The following OLFML2B variants were observed in gnomAD, a reference collection of about 807,000 sequenced individuals.
OLFML2B encodes olfactomedin-like protein 2B.
Under a neutral mutation model 74.9 loss-of-function variants are expected in OLFML2B, and 57 were observed. That is an observed-to-expected ratio of 0.76 (90% confidence interval 0.61 to 0.95). OLFML2B has a LOEUF of 0.95. Ranked by LOEUF, OLFML2B falls within the 40% of genes least tolerant of loss-of-function variation. The pLI is 0.00. For missense variants in OLFML2B, 986 were observed against 970.6 expected, an observed-to-expected ratio of 1.02 and a Z score of -0.21; for synonymous variants, 388 against 405.8, an observed-to-expected ratio of 0.96 and a Z score of 0.53.
chr1:162,020,378 C>T (rs761630125), intron 1 of OLFML2B, among the ~76,000 whole-genome samples, 196 bp from the exon 2 acceptor site: 5 of 152,226 alleles, frequency 3.3e-5, no homozygotes, highest in Non-Finnish European at 7.3e-5. Context: ...CAGAGTTCAG[C>T]TCTCTTCGTT....
At chr1:162,010,043 T>A (rs1571305201) in intron 3 of OLFML2B, among the ~76,000 whole-genome samples, 1 of 151,810 alleles carries the variant, frequency 6.6e-6, no homozygotes, top group Non-Finnish European at 1.5e-5. Flanking sequence ...GCGGCAGAGG[T>A]GGGAATCGTG....
At chr1:162,011,562 C>T (rs558220306) in intron 3 of OLFML2B, among the ~76,000 whole-genome samples, 27 of 152,304 alleles carry the variant, frequency 1.8e-4, no homozygotes, top group Non-Finnish European at 2.6e-4. Flanking sequence ...CTAATCCCTC[C>T]GACCACAGCT....
intron 3 of OLFML2B, among the ~76,000 whole-genome samples, chr1:162,011,533 A>G (rs1046538623): frequency 1.3e-5 from 2 of 152,210 alleles, no homozygotes; most frequent in Non-Finnish European, 2.9e-5. Context: ...TCCTGATGGC[A>G]GGACAGGCAG....
At chr1:162,019,223 A>T (rs912950174) in intron 2 of OLFML2B, among the ~76,000 whole-genome samples, 1 of 152,180 alleles carries the variant, frequency 6.6e-6, no homozygotes. Context: ...TTGTTATCTC[A>T]TTACTCCACC....
intron 6 of OLFML2B, among the ~76,000 whole-genome samples, chr1:161,989,546 T>C (rs1689677607): frequency 6.6e-6 from 1 of 152,202 alleles, no homozygotes. Flanking sequence ...GCTATGGTAT[T>C]CACCGTAAAC....
chr1:162,020,386 G>A (rs947374223), intron 1 of OLFML2B, among the ~76,000 whole-genome samples: 3 of 152,102 alleles, frequency 2.0e-5, no homozygotes, highest in Non-Finnish European at 4.4e-5. Context: ...AGCTCTCTTC[G>A]TTTGTCTTGG....
At chr1:161,993,989 A>T (rs917543348) in intron 6 of OLFML2B, among the ~76,000 whole-genome samples, 4 of 152,252 alleles carry the variant, frequency 2.6e-5, no homozygotes, top group Non-Finnish European at 4.4e-5. Flanking sequence ...ATGACTCTTT[A>T]TCCTCATCAA....
chr1:161,995,702 C>T (rs1689877921), intron 6 of OLFML2B, among the ~76,000 whole-genome samples: 1 of 152,182 alleles, frequency 6.6e-6, no homozygotes, highest in South Asian at 2.1e-4. Context: ...GACACCATTG[C>T]CTGATGGCTT....
chr1:162,022,260 T>TC (rs1553251578), intron 1 of OLFML2B, among the ~76,000 whole-genome samples: 51 of 127,890 alleles, frequency 4.0e-4, no homozygotes, highest in South Asian at 5.1e-4. Context: ...TTTTTTTTTT[T>TC]TTTTTTTTGA....
intron 6 of OLFML2B, among the ~76,000 whole-genome samples, chr1:161,986,109 T>G (rs17452765): frequency 6.6e-6 from 1 of 152,090 alleles, no homozygotes; most frequent in Non-Finnish European, 1.5e-5. Context: ...GAGAGCCACA[T>G]GAATGCTGCC....
At chr1:161,985,076 C>T (rs901302059) in intron 6 of OLFML2B, 96 bp from the exon 7 acceptor site, 95 of 1,334,414 alleles carry the variant, frequency 7.1e-5, no homozygotes, top group Non-Finnish European at 8.8e-5. Flanking sequence ...CTGGACTCCT[C>T]GGCAGGCTTT....
rs1423272922 is a variant in OLFML2B at position 162,000,425 on chromosome 1, G to T, written c.724-87C>A. On this transcript the variant is annotated intron_variant, in intron 4 of 7. Transcript: ENST00000294794. ...TGGGGGCAAGGCTGGAGCCAAGGCT[G>T]TGCTAATAACAGCAGCACTTCCGAA... 6.5e-6 allele frequency: 7 copies of T among 1,068,900 alleles called. No individual in the cohort carries two copies. The East Asian group carries it at 1.8e-4, about 27-fold the overall frequency. The allele number at this position is 1,068,900 out of a possible 1,614,324, so 66.2% of individuals were successfully genotyped here.
At position 161,997,956 on chromosome 1, in the gene OLFML2B, T is replaced by C; in HGVS notation, c.1343A>G (p.His448Arg). 2 of 1,614,208 alleles carry C rather than the reference T, an allele frequency of 1.2e-6. No homozygotes were observed. Among genetic ancestry groups the C allele is most frequent in the Non-Finnish European group, 1.7e-6 (2 of 1,180,036 alleles). Residue 448 changes from histidine (H) to arginine (R), a missense_variant, in exon 6 of 8, where the codon CAC (histidine) becomes CGC (arginine). Transcript: ENST00000294794. ...SPREALMEAM[H>R]TVPVPPTTVR... ...TGTGGTGGGAGGCACTGGGACTGTG[T>C]GCATAGCTTCCATCAATGCCTCCCT...
chr1:161,999,817 G>T (rs960102217), intron 5 of OLFML2B, among the ~76,000 whole-genome samples: 4 of 152,210 alleles, frequency 2.6e-5, no homozygotes, highest in Admixed American at 2.0e-4. Context: ...CCAAACCTCA[G>T]TTTTCTCATC....
At chr1:162,003,344 T>A (rs1461183591) in intron 4 of OLFML2B, among the ~76,000 whole-genome samples, 2 of 152,166 alleles carry the variant, frequency 1.3e-5, no homozygotes, top group Non-Finnish European at 2.9e-5. Flanking sequence ...CGGACCCTGG[T>A]CTCCCTCTGC....
chr1:161,984,785 T>C lies in OLFML2B; in HGVS notation c.1651+19A>G. On this transcript the variant is annotated intron_variant, in intron 7 of 7. Transcript: ENST00000294794. ...TGGGGAAGGGAAGGAGCAGTCTGGG[T>C]TGGATCTTTATCATGTACCTTGTTT... 1 of 1,611,316 alleles carries C rather than the reference T, an allele frequency of 6.2e-7. No homozygotes were observed. Among genetic ancestry groups the C allele is most frequent in the Non-Finnish European group, 8.5e-7 (1 of 1,178,464 alleles).
intron 6 of OLFML2B, among the ~76,000 whole-genome samples, chr1:161,997,026 G>A (rs890079994): frequency 1.3e-4 from 20 of 152,106 alleles, no homozygotes; most frequent in South Asian, 8.3e-4. Context: ...GCATGGTGGC[G>A]GGCACCTGCA....
In OLFML2B at chr1:162,004,355, G is replaced by A. The variant is rs1690161723; in HGVS notation, c.723+1942C>T. 3.3e-5 allele frequency among the ~76,000 whole-genome samples: 5 copies of A among 152,254 alleles called. 1 individual carries two copies. In the South Asian group the frequency reaches 1.0e-3, roughly 32 times the overall value. ...CTTGCTCAGTAGCCAGCCTGTCAGG[G>A]ACACCCAAAAATGAGAATCAAAATA... On this transcript the variant is annotated intron_variant, in intron 4 of 7. Coordinates refer to ENST00000294794, the MANE Select transcript of OLFML2B (RefSeq NM_015441.3).
At chr1:162,000,394 G>C in intron 4 of OLFML2B, 56 bp from the exon 5 acceptor site, 1 of 1,437,294 alleles carries the variant, frequency 7.0e-7, no homozygotes, top group Non-Finnish European at 9.6e-7. Flanking sequence ...AGAGGCAGTG[G>C]GCAGGTGGGG....
Sources: allele counts gnomAD v4.1 joint callset (sites outside exome capture counted in the v4.1 genomes callset), GRCh38; gene constraint gnomAD v4.1.1; transcripts MANE v1.5; gene names NCBI Gene and HGNC (gene_info 2026-07-23, HGNC 2026-07-21).